Variants in TRDN observed in about 807,000 individuals in gnomAD.
The protein encoded by TRDN is triadin.
A neutral mutation model predicts 149.7 loss-of-function variants in TRDN; 161 were observed. The observed-to-expected ratio is 1.08, with a 90% CI of 0.95 to 1.23. The LOEUF (loss-of-function observed/expected upper bound fraction) is 1.23, where lower values mean the gene tolerates loss of function less well. Ranked by LOEUF, TRDN falls within the 50% of genes most tolerant of loss-of-function variation. The probability of loss-of-function intolerance (pLI) is 0.00; values close to 1 mark genes in which losing one functional copy is unlikely to be tolerated. For missense variants in TRDN, 896 were observed against 823.5 expected (o/e 1.09, Z -1.08); for synonymous variants, 294 against 250.5 (o/e 1.17, Z -1.64).
At position 123,514,318 on chromosome 6, in the gene TRDN, G is replaced by A. The variant is rs112997068; in HGVS notation, c.550+1823C>T. On this transcript the variant is annotated intron_variant, in intron 6 of 40. Coordinates refer to ENST00000334268, the MANE Select transcript of TRDN (RefSeq NM_006073.4). ...TGCAGTGAGCCAAGATTGCACCACT[G>A]CACTTCAGTCTGGGTGGCAGAGTGA... is the stretch of plus-strand genomic sequence containing the variant. 4.3e-3 allele frequency among the ~76,000 whole-genome samples: 661 copies of A among 152,180 alleles called. 2 individuals carry two copies. Among genetic ancestry groups the A allele is most frequent in the African/African-American group, 0.015 (607 of 41,532 alleles).
intron 12 of TRDN, among the ~76,000 whole-genome samples, chr6:123,420,935 G>A (rs1773871014): frequency 1.3e-5 from 2 of 152,206 alleles, no homozygotes; most frequent in Non-Finnish European, 2.9e-5. Flanking sequence ...CCAGCCAACT[G>A]AAGTGCTCAT....
chr6:123,397,778 T>C (rs1772795055), intron 12 of TRDN, among the ~76,000 whole-genome samples: 1 of 152,182 alleles, frequency 6.6e-6, no homozygotes, highest in Non-Finnish European at 1.5e-5. Flanking sequence ...AATTTGCAAA[T>C]TTTTAATTAA....
At chr6:123,426,405 G>A (rs1774119767) in intron 12 of TRDN, among the ~76,000 whole-genome samples, 1 of 152,098 alleles carries the variant, frequency 6.6e-6, no homozygotes, top group South Asian at 2.1e-4. Context: ...GCTAACTTAG[G>A]ATTGATTTCA....
chr6:123,476,987 G>C (rs1231973759), intron 9 of TRDN, among the ~76,000 whole-genome samples: 1 of 119,026 alleles, frequency 8.4e-6, no homozygotes, highest in Non-Finnish European at 1.7e-5. Flanking sequence ...TACCATTCAG[G>C]ACATAGGCAT....
rs140180401 is a variant in TRDN at position 123,551,776 on chromosome 6, C to A, written c.233-3164G>T. Among the ~76,000 whole-genome samples, 25 of 152,158 alleles carry A rather than the reference C, an allele frequency of 1.6e-4. 1 individual carries two copies. The highest frequency in any genetic ancestry group is 5.8e-4 in the African/African-American group (24 of 41,542). On this transcript the variant is annotated intron_variant, in intron 2 of 40. Transcript: ENST00000334268. ...GTAAGTGATGGAGCCACGTTTTACA[C>A]CCATTTTAGGCCATCAAAACAAGAT...
intron 12 of TRDN, among the ~76,000 whole-genome samples, chr6:123,436,717 T>A (rs972210041): frequency 6.6e-6 from 1 of 152,090 alleles, no homozygotes. Flanking sequence ...AAGTTTTCAA[T>A]CTTCTTCGTT....
intron 24 of TRDN, among the ~76,000 whole-genome samples, chr6:123,293,214 A>T (rs530750734): frequency 6.6e-6 from 1 of 152,232 alleles, no homozygotes; most frequent in South Asian, 2.1e-4. Flanking sequence ...TTTACCCCAG[A>T]CCTAACTAAC....
intron 1 of TRDN, among the ~76,000 whole-genome samples, chr6:123,605,594 C>T (rs1784492895): frequency 1.0e-5 from 1 of 95,568 alleles, no homozygotes; most frequent in African/African-American, 7.5e-5. Flanking sequence ...GAAACCCTCT[C>T]TACAAAAAAA....
chr6:123,345,422 C>T (rs1322609465), intron 21 of TRDN, among the ~76,000 whole-genome samples: 1 of 151,800 alleles, frequency 6.6e-6, no homozygotes, highest in East Asian at 1.9e-4. Context: ...ATTTATTTGT[C>T]TATTCTTTCA....
chr6:123,523,944 T>C (rs1488635508), intron 5 of TRDN, among the ~76,000 whole-genome samples: 3 of 152,090 alleles, frequency 2.0e-5, no homozygotes, highest in Non-Finnish European at 4.4e-5. Context: ...CACTGTGGGA[T>C]ATATTTGAAC....
intron 5 of TRDN, among the ~76,000 whole-genome samples, chr6:123,517,240 G>T (rs1779454862): frequency 6.6e-6 from 1 of 152,104 alleles, no homozygotes; most frequent in African/African-American, 2.4e-5. Flanking sequence ...AAGAGTATGA[G>T]AAATGAGAAG....
chr6:123,281,666 T>C (rs773404103), intron 24 of TRDN, among the ~76,000 whole-genome samples: 5 of 152,082 alleles, frequency 3.3e-5, no homozygotes, highest in Admixed American at 6.6e-5. Flanking sequence ...GTTGTGCTCT[T>C]AAAGCCCAAC....
chr6:123,400,575 T>C (rs963484792), intron 12 of TRDN, among the ~76,000 whole-genome samples: 2 of 152,202 alleles, frequency 1.3e-5, no homozygotes, highest in East Asian at 3.9e-4. Flanking sequence ...GCTGTAATGC[T>C]CCTTTCCTGG....
rs1343346109 is a variant in TRDN, at chr6:123,359,854, C to A, written c.1321+6281G>T. ...GGGATTACAGGCACCTGCCACCACG[C>A]CTGGCTAATTTTTCGTATTTTTAGT... On this transcript the variant is annotated intron_variant, in intron 20 of 40. Coordinates refer to ENST00000334268, the MANE Select transcript of TRDN (RefSeq NM_006073.4). Among the ~76,000 whole-genome samples, 3 of 152,176 alleles carry A rather than the reference C, an allele frequency of 2.0e-5. No individual in the cohort carries two copies. The East Asian group carries it at 5.8e-4, about 30-fold the overall frequency.
chr6:123,260,480 CT>C (rs2114588423), intron 34 of TRDN, 131 bp downstream of exon 34: 16 of 973,620 alleles, frequency 1.6e-5, no homozygotes, highest in Non-Finnish European at 2.3e-5. Flanking sequence ...GTCATTATGC[CT>C]GTTCTGTAGA....
At chr6:123,279,960 A>G (rs1777523002) in intron 24 of TRDN, among the ~76,000 whole-genome samples, 1 of 152,214 alleles carries the variant, frequency 6.6e-6, no homozygotes, top group Admixed American at 6.6e-5. Flanking sequence ...CAAAATACAT[A>G]AAACAATGGT....
intron 21 of TRDN, 24 bp downstream of exon 21, chr6:123,352,515 T>C (rs754844305): frequency 6.2e-7 from 1 of 1,609,602 alleles, no homozygotes; most frequent in South Asian, 1.1e-5. Flanking sequence ...GAAGATAATG[T>C]CAACCTCCTT....
chr6:123,228,334 T>C (rs1480928562), intron 38 of TRDN, among the ~76,000 whole-genome samples: 2 of 151,922 alleles, frequency 1.3e-5, no homozygotes, highest in African/African-American at 2.4e-5. Flanking sequence ...TGCATTAGTT[T>C]GTTTTCATAC....
chr6:123,540,708 C>T (rs998229784), intron 4 of TRDN, among the ~76,000 whole-genome samples: 21 of 151,924 alleles, frequency 1.4e-4, no homozygotes, highest in African/African-American at 5.1e-4. Flanking sequence ...TTGGTGAAGA[C>T]GGTGTTTCAC....
Sources: gnomAD v4.1 joint callset for allele counts (sites outside exome capture counted in the v4.1 genomes callset) on GRCh38, gnomAD v4.1.1 for gene constraint, MANE v1.5 for transcripts, NCBI Gene and HGNC (gene_info 2026-07-23, HGNC 2026-07-21) for gene names.